PTPRN2: variants seen among roughly 807,000 people sequenced by gnomAD.
PTPRN2 encodes protein tyrosine phosphatase receptor type N2.
In PTPRN2, 74 loss-of-function variants were observed where a neutral mutation model predicts 118.8. The ratio of observed to expected loss-of-function variants is 0.62; its 90% CI spans 0.52 to 0.76. The LOEUF (loss-of-function observed/expected upper bound fraction) is 0.76, where lower values mean the gene tolerates loss of function less well. PTPRN2 is among the 30% of genes least tolerant of loss of function. The pLI is 0.00. For missense variants in PTPRN2, 1,481 were observed against 1,394.4 expected, an observed-to-expected ratio of 1.06 and a Z score of -0.99; for synonymous variants, 641 against 608.0, an observed-to-expected ratio of 1.05 and a Z score of -0.80.
intron 9 of PTPRN2, among the ~76,000 whole-genome samples, chr7:158,117,134 C>T (rs770673552): frequency 5.3e-5 from 8 of 151,970 alleles, no homozygotes; most frequent in Admixed American, 2.0e-4. Context: ...GACTTTAAAA[C>T]AATTGTCATA....
chr7:157,674,709 G>C lies in PTPRN2; in HGVS notation c.2001+8016C>G, dbSNP rs954704957. On this transcript the variant is annotated intron_variant, in intron 13 of 22. Transcript: ENST00000389418. The surrounding 1 kb of genome is among the most constrained non-coding windows in gnomAD (Gnocchi z 4.5). Reference sequence around the variant, plus strand: ...TTACAGCAACGGCCTGAGGACCCTCGGCCCCAAGGTGAGGCCCCGCGCAGG... The same window carrying C: ...TTACAGCAACGGCCTGAGGACCCTCCGCCCCAAGGTGAGGCCCCGCGCAGG... 1.3e-5 allele frequency among the ~76,000 whole-genome samples: 2 copies of C among 152,256 alleles called. No homozygotes were observed. Among genetic ancestry groups the C allele is most frequent in the African/African-American group, 4.8e-5 (2 of 41,552 alleles).
At chr7:158,054,162 GAC>G (rs1809605338) in intron 11 of PTPRN2, among the ~76,000 whole-genome samples, 1 of 152,244 alleles carries the variant, frequency 6.6e-6, no homozygotes, top group African/African-American at 2.4e-5. Context: ...AGAAGTCACT[GAC>G]ACACAGGTTT....
intron 1 of PTPRN2, among the ~76,000 whole-genome samples, chr7:158,562,785 C>T (rs1356210116): frequency 6.6e-6 from 1 of 152,136 alleles, no homozygotes; most frequent in Non-Finnish European, 1.5e-5. Flanking sequence ...AGCCTTGCCA[C>T]GTCAGGATCA....
chr7:157,940,705 C>CTG (rs1433683144), intron 11 of PTPRN2, among the ~76,000 whole-genome samples: 6 of 143,810 alleles, frequency 4.2e-5, no homozygotes, highest in African/African-American at 1.6e-4. Context: ...ATCTAACGCC[C>CTG]CCCCGTGACA....
At chr7:157,719,113 A>C (rs1799096117) in intron 12 of PTPRN2, among the ~76,000 whole-genome samples, 1 of 152,104 alleles carries the variant, frequency 6.6e-6, no homozygotes, top group Non-Finnish European at 1.5e-5. Context: ...CCTGCAGCCA[A>C]ACCCACATCT....
intron 12 of PTPRN2, among the ~76,000 whole-genome samples, chr7:157,756,344 G>C (rs554072192): frequency 6.6e-6 from 1 of 151,692 alleles, no homozygotes; most frequent in African/African-American, 2.4e-5. Flanking sequence ...GCCCAGGCTG[G>C]AGTGCAGTGG....
chr7:157,955,211 A>T (rs1487504919), intron 11 of PTPRN2, among the ~76,000 whole-genome samples: 1 of 152,238 alleles, frequency 6.6e-6, no homozygotes, highest in Non-Finnish European at 1.5e-5. Flanking sequence ...ATCCAGGCAC[A>T]TCTCTTCACT....
intron 11 of PTPRN2, among the ~76,000 whole-genome samples, chr7:157,931,079 C>T (rs1011519267): frequency 2.6e-5 from 4 of 152,182 alleles, no homozygotes; most frequent in Admixed American, 6.5e-5. Flanking sequence ...TGCAGCCAGA[C>T]GAGGTTTCTA....
intron 5 of PTPRN2, 136 bp downstream of exon 5, chr7:158,192,188 AGCC>A: frequency 9.8e-7 from 1 of 1,021,342 alleles, no homozygotes; most frequent in Non-Finnish European, 1.3e-6. Context: ...GGAACACCGA[AGCC>A]CTGTTCACAG....
At chr7:158,337,268 CACTCAA>C (rs1370009697) in intron 2 of PTPRN2, among the ~76,000 whole-genome samples, 7 of 151,284 alleles carry the variant, frequency 4.6e-5, no homozygotes, top group Admixed American at 1.3e-4. Context: ...CTGCAGACGT[CACTCAA>C]ACTCACACTC....
intron 10 of PTPRN2, among the ~76,000 whole-genome samples, chr7:158,099,842 C>T (rs1404715240): frequency 9.2e-6 from 1 of 108,426 alleles, no homozygotes; most frequent in East Asian, 2.6e-4. Flanking sequence ...TCCTCTTCCT[C>T]CCCCCATCCC....
At chr7:158,381,012 C>T in intron 2 of PTPRN2, among the ~76,000 whole-genome samples, 1 of 152,248 alleles carries the variant, frequency 6.6e-6, no homozygotes, top group South Asian at 2.1e-4. Context: ...AGTCCCTAGG[C>T]TGCACACAGC....
intron 12 of PTPRN2, among the ~76,000 whole-genome samples, chr7:157,854,182 C>T (rs4716507): frequency 0.41 from 62,511 of 152,118 alleles, 13,301 homozygotes; most frequent in East Asian, 0.53. Flanking sequence ...CCATCACTGA[C>T]GATGCAGCAC....
At chr7:157,625,694 A>C (rs1803528301) in intron 14 of PTPRN2, among the ~76,000 whole-genome samples, 1 of 152,200 alleles carries the variant, frequency 6.6e-6, no homozygotes, top group African/African-American at 2.4e-5. Context: ...TATTCATGTA[A>C]CTAAATACCA....
intron 11 of PTPRN2, among the ~76,000 whole-genome samples, chr7:157,935,650 C>G (rs1689733698): frequency 6.6e-6 from 1 of 152,208 alleles, no homozygotes; most frequent in African/African-American, 2.4e-5. Flanking sequence ...TCCTAATGTC[C>G]TGTTTCTTAA....
chr7:158,304,622 A>G (rs1801146617), intron 3 of PTPRN2, among the ~76,000 whole-genome samples: 1 of 152,216 alleles, frequency 6.6e-6, no homozygotes, highest in Admixed American at 6.5e-5. Context: ...AAAGATGGGA[A>G]AACACTAAGC....
intron 6 of PTPRN2, among the ~76,000 whole-genome samples, chr7:158,157,780 C>A (rs550580059): frequency 6.0e-4 from 91 of 152,372 alleles, no homozygotes; most frequent in African/African-American, 2.1e-3. Flanking sequence ...CTCTCCTGCG[C>A]CTGCTCCCCT....
At chr7:158,171,177 CAT>C (rs1368164655) in intron 5 of PTPRN2, among the ~76,000 whole-genome samples, 5 of 138,220 alleles carry the variant, frequency 3.6e-5, no homozygotes, top group Non-Finnish European at 6.2e-5. Flanking sequence ...CATATATACA[CAT>C]ATATACACAC....
intron 12 of PTPRN2, among the ~76,000 whole-genome samples, chr7:157,750,502 A>G (rs1801398407): frequency 6.6e-6 from 1 of 152,226 alleles, no homozygotes; most frequent in Non-Finnish European, 1.5e-5. Flanking sequence ...AGGAAGTGGC[A>G]GGTAACATGG....
Sources: gnomAD v4.1 joint callset for allele counts (sites outside exome capture counted in the v4.1 genomes callset) on GRCh38, gnomAD v4.1.1 for gene constraint, Gnocchi (gnomAD v3.1) non-coding constraint, MANE v1.5 for transcripts, NCBI Gene and HGNC (gene_info 2026-07-23, HGNC 2026-07-21) for gene names.